The following NEBL variants were observed in gnomAD, a reference collection of about 807,000 sequenced individuals.
The protein encoded by NEBL is LIM and SH3 protein 2.
A neutral mutation model predicts 140.2 loss-of-function variants in NEBL; 122 were observed. That is an observed-to-expected ratio of 0.87 (90% CI 0.75 to 1.01). The LOEUF (loss-of-function observed/expected upper bound fraction) is 1.01, where lower values mean the gene tolerates loss of function less well. Among genes scored for constraint, NEBL ranks in the 50% least tolerant of loss-of-function variants. The pLI is 0.00. For missense variants in NEBL, 1,365 were observed against 1,231.3 expected, an observed-to-expected ratio of 1.11 and a Z score of -1.62; for synonymous variants, 436 against 398.9, an observed-to-expected ratio of 1.09 and a Z score of -1.11.
intron 1 of NEBL, among the ~76,000 whole-genome samples, chr10:21,285,307 C>A (rs1184124079): frequency 6.6e-6 from 1 of 152,164 alleles, no homozygotes; most frequent in South Asian, 2.1e-4. Context: ...TTAGGGCAAA[C>A]ATCCCTCCTA....
In NEBL at chr10:20,994,886, G is replaced by C. The variant is rs190873889; in HGVS notation, c.249+25231C>G. ...GTGGGCTGAGGAGGAGGAGGTAGAG[G>C]GGGGGGTTGGTCTTGCTGTCTCAGG... On this transcript the variant is annotated intron_variant, in intron 3 of 6. Transcript: ENST00000417816. Among the ~76,000 whole-genome samples the C allele has an allele frequency of 5.6e-5, 8 of 142,876 alleles. No homozygotes were observed. In the East Asian group the frequency reaches 5.8e-4, roughly 10 times the overall value. The allele number at this position is 142,876 out of a possible 152,430, so 93.7% of individuals were successfully genotyped here. A position where few individuals can be genotyped will look rare whatever the true frequency, so the allele number is the denominator to read the frequency against.
intron 3 of NEBL, among the ~76,000 whole-genome samples, chr10:21,186,102 G>C (rs1426594697): frequency 6.6e-6 from 1 of 151,960 alleles, no homozygotes; most frequent in African/African-American, 2.4e-5. Context: ...AGCCAAAAGT[G>C]AGTTTTAAAT....
At position 20,864,675 on chromosome 10, in the gene NEBL, C is replaced by T. The variant is rs191305425; in HGVS notation, c.684+3989G>A. On this transcript the variant is annotated intron_variant, in intron 7 of 27. Transcript: ENST00000377122. ...TTCTCATCTCCCTGTTATTAAATCC[C>T]TAAATCATTTGCCTTCTATGTATTT... is the stretch of plus-strand genomic sequence containing the variant. Among the ~76,000 whole-genome samples the T allele has an allele frequency of 4.6e-5, 7 of 152,228 alleles. No individual in the cohort carries two copies. The East Asian group carries it at 1.3e-3, about 29-fold the overall frequency.
chr10:21,271,049 A>T (rs1842854577), intron 1 of NEBL, among the ~76,000 whole-genome samples: 1 of 152,144 alleles, frequency 6.6e-6, no homozygotes, highest in Non-Finnish European at 1.5e-5. Flanking sequence ...TTATATCTCC[A>T]CTCTTGTGTT....
intron 3 of NEBL, among the ~76,000 whole-genome samples, chr10:21,227,965 T>C (rs991915194): frequency 6.6e-6 from 1 of 152,020 alleles, no homozygotes; most frequent in Non-Finnish European, 1.5e-5. Context: ...GATATTTACA[T>C]TTACATTCTT....
intron 7 of NEBL, among the ~76,000 whole-genome samples, chr10:20,865,387 G>A (rs1844171116): frequency 6.6e-6 from 1 of 152,088 alleles, no homozygotes; most frequent in Non-Finnish European, 1.5e-5. Context: ...TTTTACAAAT[G>A]AGGAAACAAA....
At chr10:20,955,104 C>G (rs1348131051) in intron 4 of NEBL, among the ~76,000 whole-genome samples, 1 of 152,204 alleles carries the variant, frequency 6.6e-6, no homozygotes, top group African/African-American at 2.4e-5. Context: ...AGTCAAGAGA[C>G]TATTCCCACA....
intron 3 of NEBL, among the ~76,000 whole-genome samples, chr10:21,014,712 A>C (rs1838485822): frequency 6.6e-6 from 1 of 152,186 alleles, no homozygotes; most frequent in Non-Finnish European, 1.5e-5. Context: ...ATAAAATAAG[A>C]AGGTTCAGAA....
intron 24 of NEBL, among the ~76,000 whole-genome samples, chr10:20,810,739 C>A (rs371929683): frequency 1.3e-5 from 2 of 152,122 alleles, no homozygotes; most frequent in East Asian, 3.8e-4. Flanking sequence ...AAAGAAAAAC[C>A]TAGTTATAGA....
upstream of NEBL, among the ~76,000 whole-genome samples, chr10:20,898,457 C>A (rs1451394796): frequency 6.6e-6 from 1 of 151,900 alleles, no homozygotes; most frequent in East Asian, 1.9e-4. Context: ...AAAAAAATGC[C>A]TTGGCCTTAC....
At chr10:21,241,347 C>A (rs1842438079) in intron 3 of NEBL, among the ~76,000 whole-genome samples, 1 of 151,822 alleles carries the variant, frequency 6.6e-6, no homozygotes, top group Admixed American at 6.6e-5. Context: ...AGGGGGCCGC[C>A]TGCGGGATGA....
At chr10:21,060,725 T>A (rs1053596876) in intron 2 of NEBL, among the ~76,000 whole-genome samples, 1 of 151,992 alleles carries the variant, frequency 6.6e-6, no homozygotes, top group African/African-American at 2.4e-5. Flanking sequence ...TTCCATTCTC[T>A]CTTCCATTTC....
At chr10:20,972,578 A>C (rs1327007606) in intron 3 of NEBL, among the ~76,000 whole-genome samples, 6 of 152,038 alleles carry the variant, frequency 3.9e-5, no homozygotes, top group African/African-American at 1.4e-4. Flanking sequence ...CCCTGTCTCT[A>C]CTAAAAATAC....
Position 20,906,408 on chromosome 10 carries a change from C to T in NEBL, c.357+55264G>A, listed in dbSNP as rs1293497192. On this transcript the variant is annotated intron_variant, in intron 4 of 6. Transcript: ENST00000417816. ...TCAGAAGTTTGGCACTTTTAAAACA[C>T]TAATTTATGAGCCTTATTCCAATTA... 2.6e-5 allele frequency among the ~76,000 whole-genome samples: 4 copies of T among 152,204 alleles called. No homozygotes were observed. The South Asian group carries it at 8.3e-4, about 32-fold the overall frequency.
At chr10:21,098,733 A>C (rs1308293213) in intron 2 of NEBL, among the ~76,000 whole-genome samples, 1 of 152,114 alleles carries the variant, frequency 6.6e-6, no homozygotes, top group Admixed American at 6.6e-5. Context: ...TATAGAAAAC[A>C]AAAAAAATTA....
chr10:20,929,845 C>G (rs1205226411), intron 4 of NEBL, among the ~76,000 whole-genome samples: 1 of 152,144 alleles, frequency 6.6e-6, no homozygotes, highest in Non-Finnish European at 1.5e-5. Context: ...GACAGTTACA[C>G]TAAAAGCCCG....
chr10:20,993,002 C>G lies in NEBL; in HGVS notation c.249+27115G>C, dbSNP rs140471684. Among the ~76,000 whole-genome samples the G allele has an allele frequency of 8.0e-3, 1,221 of 151,772 alleles. 15 individuals carry two copies. The highest frequency in any genetic ancestry group is 0.028 in the African/African-American group (1,151 of 41,360). Reference sequence around the variant, plus strand: ...GTTTCACTGTGTTAGCCAGGATGGTCTTGATCTCCTGACCTCATGATCTGC... The same window carrying G: ...GTTTCACTGTGTTAGCCAGGATGGTGTTGATCTCCTGACCTCATGATCTGC... On this transcript the variant is annotated intron_variant, in intron 3 of 6. Transcript: ENST00000417816.
At chr10:21,049,659 C>T (rs748121649) in intron 2 of NEBL, among the ~76,000 whole-genome samples, 1 of 152,076 alleles carries the variant, frequency 6.6e-6, no homozygotes, top group Non-Finnish European at 1.5e-5. Flanking sequence ...ACCAACCGCC[C>T]ACCCTGACCC....
In NEBL at chr10:21,279,292, T is replaced by A. The variant is rs1050731493; in HGVS notation, n.182+13538A>T. Among the ~76,000 whole-genome samples the A allele has an allele frequency of 2.6e-3, 389 of 148,810 alleles. 5 individuals carry two copies. The highest frequency in any genetic ancestry group is 9.2e-3 in the African/African-American group (372 of 40,542). On this transcript the variant is annotated intron_variant and non_coding_transcript_variant, in intron 1 of 8. Transcript: ENST00000675702. ...TAGCCATCTTTTTATTTTTTCAATT[T>A]TTTTTTTTTTTTTTTTTAGACAGTC...
Sources: gnomAD v4.1 joint callset for allele counts (sites outside exome capture counted in the v4.1 genomes callset) on GRCh38, gnomAD v4.1.1 for gene constraint, MANE v1.5 for transcripts, NCBI Gene and HGNC (gene_info 2026-07-23, HGNC 2026-07-21) for gene names.